Variants in LGSN observed in about 807,000 individuals in gnomAD.
LGSN encodes the protein lengsin.
Under a neutral mutation model 19.5 loss-of-function variants are expected in LGSN, and 21 were observed. The observed-to-expected ratio is 1.07, with a 90% CI of 0.76 to 1.55. LGSN has a LOEUF of 1.55. LGSN is among the 40% of genes most tolerant of loss of function. LGSN has a pLI of 0.00. For synonymous variants in LGSN, 257 were observed against 215.6 expected (o/e 1.19, Z -1.68); for missense variants, 673 against 608.5 (o/e 1.11, Z -1.12).
the LGSN span, among the ~76,000 whole-genome samples, chr6:63,464,532 A>AAT: frequency 1.3e-3 from 192 of 148,956 alleles, no homozygotes; most frequent in Middle Eastern, 0.011. Flanking sequence ...GTATGGAAAA[A>AAT]ATATATATAT....
At chr6:63,400,671 A>T in the LGSN span, among the ~76,000 whole-genome samples, 1 of 152,196 alleles carries the variant, frequency 6.6e-6, no homozygotes, top group Admixed American at 6.5e-5. Context: ...TTCTCCAATC[A>T]TCCAAAAAAT....
chr6:63,288,810 T>C, intron 2 of LGSN, among the ~76,000 whole-genome samples: 1 of 152,224 alleles, frequency 6.6e-6, no homozygotes, highest in East Asian at 1.9e-4. Context: ...CCTAAACTCT[T>C]CTTCATATGA....
chr6:63,429,965 A>G, the LGSN span, among the ~76,000 whole-genome samples: 2 of 152,202 alleles, frequency 1.3e-5, no homozygotes, highest in African/African-American at 2.4e-5. Flanking sequence ...CTGTTCATCC[A>G]TACCTGACAG....
At position 63,280,615 on chromosome 6, in the gene LGSN, C is replaced by T. The variant is rs779125493; in HGVS notation, c.936G>A (p.Gly312=). The T allele has an allele frequency of 4.3e-6, 7 of 1,613,926 alleles. No individual in the cohort carries two copies. The highest frequency in any genetic ancestry group is 1.7e-5 in the Admixed American group (1 of 60,004). ...CATCCCAGAGACTATGAGACAAAATCCCTGAATCACAAAATCCAGTCTCAA... is the reference window on the plus strand; with the variant it reads ...CATCCCAGAGACTATGAGACAAAATTCCTGAATCACAAAATCCAGTCTCAA... ...FFIETGFCDS[G]ILSHSLWDVD... Residue 312 remains glycine (G), a synonymous_variant, in exon 4 of 4, where the codon GGG becomes GGA. Transcript: ENST00000370657.
chr6:63,330,093 G>A, the LGSN span, among the ~76,000 whole-genome samples: 1 of 152,178 alleles, frequency 6.6e-6, no homozygotes, highest in African/African-American at 2.4e-5. Context: ...ATCTGGTTGG[G>A]GCTTCTGACC....
the LGSN span, among the ~76,000 whole-genome samples, chr6:63,432,152 A>AGAAAGAAAGAAAGAAG: frequency 8.3e-6 from 1 of 119,866 alleles, no homozygotes; most frequent in Admixed American, 9.4e-5. Flanking sequence ...AAAGAAAGAA[A>AGAAAGAAAGAAAGAAG]GAAAGAAAGA....
At chr6:63,542,601 C>A in the LGSN span, among the ~76,000 whole-genome samples, 1 of 152,100 alleles carries the variant, frequency 6.6e-6, no homozygotes, top group Admixed American at 6.6e-5. Flanking sequence ...ACTCAATGAT[C>A]TAACCTTATT....
chr6:63,410,924 C>A, the LGSN span, among the ~76,000 whole-genome samples: 1 of 152,100 alleles, frequency 6.6e-6, no homozygotes, highest in African/African-American at 2.4e-5. Flanking sequence ...TTTCCAATTC[C>A]TAAGCAACGA....
At chr6:63,442,872 C>T in the LGSN span, among the ~76,000 whole-genome samples, 1 of 152,350 alleles carries the variant, frequency 6.6e-6, no homozygotes, top group East Asian at 1.9e-4. Flanking sequence ...AAATCCCCAC[C>T]CAACTCAGGA....
At chr6:63,325,578 C>G in the LGSN span, among the ~76,000 whole-genome samples, 1 of 152,144 alleles carries the variant, frequency 6.6e-6, no homozygotes, top group African/African-American at 2.4e-5. Context: ...TAATGAGTAG[C>G]AAGGTAGAAT....
intron 2 of LGSN, among the ~76,000 whole-genome samples, chr6:63,289,643 A>T (rs529872860): frequency 6.6e-6 from 1 of 152,220 alleles, no homozygotes; most frequent in South Asian, 2.1e-4. Context: ...AAAAAACCTT[A>T]AAGCTCTATA....
chr6:63,336,902 A>C, the LGSN span, among the ~76,000 whole-genome samples: 3 of 149,624 alleles, frequency 2.0e-5, no homozygotes, highest in Non-Finnish European at 4.4e-5. Context: ...GCCCGGCCCC[A>C]AAAATTATGA....
chr6:63,441,484 C>T, the LGSN span: 1 of 431,268 alleles, frequency 2.3e-6, no homozygotes. Context: ...GCCATGGAAA[C>T]AGCATGCAAA....
At chr6:63,534,574 G>C in the LGSN span, among the ~76,000 whole-genome samples, 1 of 152,026 alleles carries the variant, frequency 6.6e-6, no homozygotes, top group Non-Finnish European at 1.5e-5. Context: ...CAGCTATGCA[G>C]GAGGCTGAGG....
upstream of LGSN, among the ~76,000 whole-genome samples, chr6:63,323,942 T>C (rs1309089567): frequency 4.6e-5 from 7 of 151,926 alleles, no homozygotes; most frequent in African/African-American, 1.7e-4. Flanking sequence ...TGGATAACTT[T>C]TAGTATTTTT....
chr6:63,368,662 C>T, the LGSN span, among the ~76,000 whole-genome samples: 1 of 152,212 alleles, frequency 6.6e-6, no homozygotes, highest in Non-Finnish European at 1.5e-5. Context: ...TTCTTCAAAA[C>T]ATCTATCAGC....
the LGSN span, among the ~76,000 whole-genome samples, chr6:63,366,485 A>T: frequency 2.6e-5 from 4 of 152,252 alleles, no homozygotes; most frequent in Non-Finnish European, 5.9e-5. Context: ...GGATAGGAAG[A>T]ATCTGTATCA....
the LGSN span, among the ~76,000 whole-genome samples, chr6:63,430,158 T>C: frequency 6.6e-6 from 1 of 152,150 alleles, no homozygotes; most frequent in African/African-American, 2.4e-5. Context: ...ATTTCTTCCT[T>C]GTTCCTTCCC....
chr6:63,378,703 A>G, the LGSN span, among the ~76,000 whole-genome samples: 1 of 151,680 alleles, frequency 6.6e-6, no homozygotes, highest in Admixed American at 6.6e-5. Context: ...TGAATAACCA[A>G]CTCTTTGGGA....
Sources: allele counts gnomAD v4.1 joint callset (sites outside exome capture counted in the v4.1 genomes callset), GRCh38; gene constraint gnomAD v4.1.1; transcripts MANE v1.5; gene names NCBI Gene and HGNC (gene_info 2026-07-23, HGNC 2026-07-21).